PEAK1: variants seen among roughly 807,000 people sequenced by gnomAD.
The protein encoded by PEAK1 is pseudopodium enriched atypical kinase 1.
Under a neutral mutation model 124.7 loss-of-function variants are expected in PEAK1, and 54 were observed. The observed-to-expected ratio is 0.43, with a 90% confidence interval of 0.35 to 0.54. PEAK1 has a LOEUF of 0.54. Among genes scored for constraint, PEAK1 ranks in the 20% least tolerant of loss-of-function variants. PEAK1 has a pLI of 0.01. For missense variants in PEAK1, 2,046 were observed against 2,134.5 expected (o/e 0.96, Z 0.82); for synonymous variants, 719 against 760.0 (o/e 0.95, Z 0.89).
chr15:77,376,511 A>G (rs1430355370), intron 1 of PEAK1, among the ~76,000 whole-genome samples: 1 of 152,158 alleles, frequency 6.6e-6, no homozygotes, highest in Non-Finnish European at 1.5e-5. Flanking sequence ...CTCTCCTAAG[A>G]GAAGGTCTAA....
At chr15:77,362,815 T>C (rs1209480687) in intron 2 of PEAK1, among the ~76,000 whole-genome samples, 3 of 151,596 alleles carry the variant, frequency 2.0e-5, no homozygotes, top group Admixed American at 6.6e-5. Context: ...ATAGATATTG[T>C]GGATGAAAAA....
rs751739809 is a variant in PEAK1, at chr15:77,133,263, T to C, written c.3819A>G (p.Arg1273=). 6 of 1,614,122 alleles carry C rather than the reference T, an allele frequency of 3.7e-6. No individual in the cohort carries two copies. In the Admixed American group the frequency reaches 5.0e-5, roughly 13 times the overall value. ...TCTCAAGTCCTCGATAAAGTGCTTG[T>C]CTCTGCGGCTTCTGGATGCCTCGGC... ...RQGRGIQKPQ[R]QALYRGLENR... Residue 1273 remains arginine, a synonymous_variant, in exon 9 of 10, where the codon AGA becomes AGG. Transcript: ENST00000682557. The surrounding 1 kb of genome is among the most constrained non-coding windows in gnomAD (Gnocchi z 4.2).
chr15:77,365,672 G>A (rs1341999228), intron 1 of PEAK1, among the ~76,000 whole-genome samples: 3 of 151,238 alleles, frequency 2.0e-5, no homozygotes, highest in South Asian at 2.1e-4. Flanking sequence ...CCCGGGAGGC[G>A]GAGGTTGCAG....
intron 5 of PEAK1, among the ~76,000 whole-genome samples, chr15:77,280,308 T>A (rs2062596602): frequency 6.6e-6 from 1 of 152,104 alleles, no homozygotes; most frequent in South Asian, 2.1e-4. Flanking sequence ...GCCACTGCAC[T>A]CCAGCCTGGG....
At chr15:77,275,143 A>G (rs2062242926) in intron 5 of PEAK1, among the ~76,000 whole-genome samples, 1 of 152,164 alleles carries the variant, frequency 6.6e-6, no homozygotes, top group African/African-American at 2.4e-5. Flanking sequence ...AGAATGATAC[A>G]ACGAACTTTG....
intron 1 of PEAK1, among the ~76,000 whole-genome samples, chr15:77,368,130 A>G (rs181257274): frequency 2.0e-5 from 3 of 152,330 alleles, no homozygotes; most frequent in East Asian, 1.9e-4. Context: ...TTTAGAATGT[A>G]TTATAATGTG....
chr15:77,214,415 G>C (rs2059048478), intron 6 of PEAK1, among the ~76,000 whole-genome samples: 1 of 150,838 alleles, frequency 6.6e-6, no homozygotes, highest in African/African-American at 2.4e-5. Flanking sequence ...AGGAGATGGA[G>C]ACCATCCTGG....
chr15:77,184,551 A>C (rs2057441282), intron 6 of PEAK1, among the ~76,000 whole-genome samples: 1 of 152,238 alleles, frequency 6.6e-6, no homozygotes, highest in South Asian at 2.1e-4. Context: ...AAACAATCTA[A>C]ATGTTAGGTG....
chr15:77,263,658 C>T (rs575044523), intron 5 of PEAK1, among the ~76,000 whole-genome samples: 36 of 152,242 alleles, frequency 2.4e-4, no homozygotes, highest in African/African-American at 8.4e-4. Flanking sequence ...GGATTCACAG[C>T]CGAATTCTAC....
intron 5 of PEAK1, among the ~76,000 whole-genome samples, chr15:77,263,614 T>C (rs1246087645): frequency 2.6e-5 from 4 of 152,094 alleles, no homozygotes; most frequent in African/African-American, 7.2e-5. Flanking sequence ...CAATAATTAA[T>C]AGCTTACTAA....
chr15:77,233,563 T>C (rs117697741), intron 6 of PEAK1, among the ~76,000 whole-genome samples: 5,502 of 152,300 alleles, frequency 0.036, 139 homozygotes, highest in Non-Finnish European at 0.054. Flanking sequence ...TATCCCTATC[T>C]TCCTTTTCCC....
chr15:77,387,698 A>G (rs995920811), intron 1 of PEAK1, among the ~76,000 whole-genome samples: 6 of 152,252 alleles, frequency 3.9e-5, no homozygotes, highest in African/African-American at 1.2e-4. Context: ...GGAAGCTATG[A>G]GAATTCCCAA....
chr15:77,420,624 TA>T (rs10660461), upstream of PEAK1: 4,857 of 329,522 alleles, frequency 0.015, 10 homozygotes, highest in African/African-American at 0.023. Context: ...GCCTTCGCAA[TA>T]AAAAAAAAAA....
At chr15:77,387,032 G>A (rs868451131) in intron 1 of PEAK1, among the ~76,000 whole-genome samples, 5 of 152,098 alleles carry the variant, frequency 3.3e-5, no homozygotes, top group Non-Finnish European at 7.4e-5. Flanking sequence ...AAGTGCAGAC[G>A]TATAAGTTTG....
intron 1 of PEAK1, among the ~76,000 whole-genome samples, chr15:77,366,395 A>G (rs2068241384): frequency 6.6e-6 from 1 of 152,200 alleles, no homozygotes; most frequent in Admixed American, 6.5e-5. Flanking sequence ...TGTATTATGC[A>G]ACTGAGATTT....
Position 77,180,791 on chromosome 15 carries a change from T to C in PEAK1, c.1136A>G (p.Asp379Gly), listed in dbSNP as rs774262312. 3.1e-6 allele frequency: 5 copies of C among 1,614,022 alleles called. No individual in the cohort carries two copies. The highest frequency in any genetic ancestry group is 3.4e-6 in the Non-Finnish European group (4 of 1,179,980). ...ATAATTGGGCTCAATTTCCTTCATGTCCTTAGAATCTCCTGGGTTACCAGG... is the reference window on the plus strand; with the variant it reads ...ATAATTGGGCTCAATTTCCTTCATGCCCTTAGAATCTCCTGGGTTACCAGG... ...LSPGNPGDSK[D>G]MKEIEPNYES... The change falls in exon 7 of 10, where the codon GAC (aspartate) becomes GGC (glycine). Residue 379 changes from aspartate to glycine, a missense_variant. Transcript: ENST00000682557.
intron 2 of PEAK1, among the ~76,000 whole-genome samples, chr15:77,318,365 G>A (rs2065002091): frequency 6.6e-6 from 1 of 152,136 alleles, no homozygotes; most frequent in Non-Finnish European, 1.5e-5. Context: ...TAACTTAAAA[G>A]TTTTCAAATG....
intron 6 of PEAK1, among the ~76,000 whole-genome samples, chr15:77,229,909 A>T (rs1396081600): frequency 1.3e-5 from 2 of 152,048 alleles, no homozygotes; most frequent in African/African-American, 4.8e-5. Context: ...GGCCTCCCAA[A>T]GTGCTGGGAT....
intron 2 of PEAK1, among the ~76,000 whole-genome samples, chr15:77,358,799 C>T (rs1597428576): frequency 6.6e-6 from 1 of 152,296 alleles, no homozygotes; most frequent in East Asian, 1.9e-4. Flanking sequence ...ACATATAAAT[C>T]AGTATGGTTT....
Sources: gnomAD v4.1 joint callset for allele counts (sites outside exome capture counted in the v4.1 genomes callset) on GRCh38, gnomAD v4.1.1 for gene constraint, Gnocchi (gnomAD v3.1) non-coding constraint, MANE v1.5 for transcripts, NCBI Gene and HGNC (gene_info 2026-07-23, HGNC 2026-07-21) for gene names.